The following SYT7 variants were observed in gnomAD, a reference collection of about 807,000 sequenced individuals.
SYT7 encodes the protein synaptotagmin 7.
A neutral mutation model predicts 75.1 loss-of-function variants in SYT7; 29 were observed. The ratio of observed to expected loss-of-function variants is 0.39; its 90% confidence interval spans 0.29 to 0.53. The LOEUF is 0.53. Among genes scored for constraint, SYT7 ranks in the 20% least tolerant of loss-of-function variants. The probability of loss-of-function intolerance (pLI) is 0.77; values close to 1 mark genes in which losing one functional copy is unlikely to be tolerated. For missense variants in SYT7, 693 were observed against 953.2 expected (o/e 0.73, Z 3.59); for synonymous variants, 376 against 401.7 (o/e 0.94, Z 0.76).
chr11:61,558,459 G>C (rs1285217747), intron 1 of SYT7, among the ~76,000 whole-genome samples: 1 of 150,198 alleles, frequency 6.7e-6, no homozygotes, highest in East Asian at 1.9e-4. Flanking sequence ...AACAGAGCAA[G>C]ACTCTGTTTC....
chr11:61,531,284 G>A (rs1352062798), intron 8 of SYT7, among the ~76,000 whole-genome samples: 1 of 152,244 alleles, frequency 6.6e-6, no homozygotes, highest in Non-Finnish European at 1.5e-5. Flanking sequence ...GGCTGCAGCT[G>A]TCGGCCCTTC....
At position 61,514,147 on chromosome 11, in the gene SYT7, C is replaced by T. The variant is rs1232405720; in HGVS notation, c.*4480G>A. ...GGAAGGCAAAAAGTCCAGGGAAGGG[C>T]CCGAGCCAGTGGCAAGGGACTGCCC... On this transcript the variant is annotated 3_prime_UTR_variant, in exon 13 of 13. Coordinates refer to ENST00000539008, the MANE Select transcript of SYT7 (RefSeq NM_001365809.2). 3.3e-5 allele frequency among the ~76,000 whole-genome samples: 5 copies of T among 152,184 alleles called. No individual in the cohort carries two copies. Among genetic ancestry groups the T allele is most frequent in the Non-Finnish European group, 5.9e-5 (4 of 68,034 alleles).
intron 1 of SYT7, among the ~76,000 whole-genome samples, chr11:61,561,719 A>C (rs1244745766): frequency 6.6e-6 from 1 of 152,156 alleles, no homozygotes; most frequent in South Asian, 2.1e-4. Flanking sequence ...GCCTCCAGGA[A>C]CAAAGATAAT....
At chr11:61,563,714 G>A (rs1481731142) in intron 1 of SYT7, among the ~76,000 whole-genome samples, 3 of 152,058 alleles carry the variant, frequency 2.0e-5, no homozygotes, top group Non-Finnish European at 4.4e-5. Context: ...TTCCTGGAAC[G>A]CCTTTCCTTC....
At chr11:61,522,837 G>A (rs1300193002) in intron 12 of SYT7, among the ~76,000 whole-genome samples, 2 of 152,132 alleles carry the variant, frequency 1.3e-5, no homozygotes, top group Middle Eastern at 3.2e-3. Flanking sequence ...CTGCTCAGCT[G>A]GCAGTCTGTC....
intron 8 of SYT7, among the ~76,000 whole-genome samples, chr11:61,531,669 G>C (rs1424108470): frequency 6.6e-6 from 1 of 152,042 alleles, no homozygotes; most frequent in Non-Finnish European, 1.5e-5. Flanking sequence ...CGAGGCAGGT[G>C]GATCACTTGA....
At chr11:61,558,588 A>G (rs2063563052) in intron 1 of SYT7, among the ~76,000 whole-genome samples, 1 of 152,118 alleles carries the variant, frequency 6.6e-6, no homozygotes, top group African/African-American at 2.4e-5. Flanking sequence ...GGCCCTGCCC[A>G]CAAGGAACTA....
At chr11:61,549,008 A>G (rs1425626604) in intron 3 of SYT7, among the ~76,000 whole-genome samples, 5 of 152,200 alleles carry the variant, frequency 3.3e-5, no homozygotes, top group Admixed American at 1.3e-4. Context: ...ATCCCTTGAC[A>G]GAAAACCCCC....
intron 7 of SYT7, 103 bp from the exon 8 acceptor site, chr11:61,533,227 G>T: frequency 6.8e-7 from 1 of 1,475,124 alleles, no homozygotes; most frequent in South Asian, 1.4e-5. Context: ...CCCAGCAGCT[G>T]CCATGCCCGG....
the SYT7 span, among the ~76,000 whole-genome samples, chr11:61,588,289 A>C: frequency 1.3e-5 from 2 of 152,144 alleles, no homozygotes; most frequent in East Asian, 3.9e-4. Flanking sequence ...CTGAGCTCCG[A>C]GGGACTGCCA....
chr11:61,570,383 G>A (rs1249924410), intron 1 of SYT7, among the ~76,000 whole-genome samples: 1 of 152,162 alleles, frequency 6.6e-6, no homozygotes, highest in Non-Finnish European at 1.5e-5. Context: ...GGGTGAGAGG[G>A]TTCTGCAAGG....
chr11:61,542,123 C>T lies in SYT7; in HGVS notation c.941+88G>A, dbSNP rs572639850. ...CAAGGGGATGGAGGGCCGGGAGGTA[C>T]ACACAACCAGCTGCTCCCAAGGAGA... On this transcript the variant is annotated intron_variant, in intron 6 of 12. Transcript: ENST00000539008. The surrounding 1 kb of genome is among the most constrained non-coding windows in gnomAD (Gnocchi z 7.8). The T allele has an allele frequency of 5.5e-6, 8 of 1,456,566 alleles. No homozygotes were observed. In the Admixed American group the frequency reaches 1.4e-4, roughly 26 times the overall value. 90.2% of individuals were successfully genotyped at this position (1,456,566 alleles called of 1,614,324 possible).
chr11:61,533,404 A>AC (rs1335767729), intron 7 of SYT7: 2 of 984,204 alleles, frequency 2.0e-6, no homozygotes, highest in South Asian at 4.7e-5. Flanking sequence ...TTCCCCAGAA[A>AC]CCCCCCACCC....
At position 61,528,172 on chromosome 11, in the gene SYT7, G is replaced by T; in HGVS notation, c.1214C>A (p.Ser405Tyr). Residue 405 changes from serine to tyrosine, a missense_variant, in exon 9 of 13, where the codon TCC becomes TAC. Transcript: ENST00000539008. ...ACCCTCGTGGGCCTCATCCTCCTCG[G>T]AGCCTGGGGAGAGCTGGGGGTGGGG... ...TSEMLMLSPG[S>Y]EEDEAHEGCS... 6.2e-7 allele frequency: 1 copy of T among 1,611,550 alleles called. No individual in the cohort carries two copies. The highest frequency in any genetic ancestry group is 8.5e-7 in the Non-Finnish European group (1 of 1,179,840).
At chr11:61,554,106 A>T (rs1329015165) in intron 2 of SYT7, among the ~76,000 whole-genome samples, 1 of 152,056 alleles carries the variant, frequency 6.6e-6, no homozygotes, top group Non-Finnish European at 1.5e-5. Flanking sequence ...GGGACCAGGG[A>T]AGAGGCTGCT....
At chr11:61,526,200 A>C (rs1242408855) in intron 9 of SYT7, 2 of 152,260 alleles carry the variant, frequency 1.3e-5, no homozygotes, top group African/African-American at 2.4e-5. Context: ...GAATTTGTTC[A>C]GGGTCCCTTT....
chr11:61,538,098 C>G (rs2062922205), intron 7 of SYT7, 46 bp downstream of exon 7: 5 of 1,532,912 alleles, frequency 3.3e-6, no homozygotes, highest in East Asian at 2.5e-5. Flanking sequence ...CTCTCCGCGC[C>G]TCCTTCTCTG....
At chr11:61,527,710 C>T (rs924955337) in intron 9 of SYT7, among the ~76,000 whole-genome samples, 3 of 152,216 alleles carry the variant, frequency 2.0e-5, no homozygotes, top group Non-Finnish European at 4.4e-5. Flanking sequence ...TGGGCGTGTG[C>T]GAGAGCACAT....
At chr11:61,574,656 C>G (rs1197560953) in intron 1 of SYT7, among the ~76,000 whole-genome samples, 1 of 151,716 alleles carries the variant, frequency 6.6e-6, no homozygotes, top group African/African-American at 2.4e-5. Context: ...AGGAGGTGTG[C>G]AGGGAGTCCC....
Sources: allele counts gnomAD v4.1 joint callset (sites outside exome capture counted in the v4.1 genomes callset), GRCh38; gene constraint gnomAD v4.1.1; non-coding constraint Gnocchi (gnomAD v3.1); transcripts MANE v1.5; gene names NCBI Gene and HGNC (gene_info 2026-07-23, HGNC 2026-07-21).